Variants in FMNL3 observed in about 807,000 individuals in gnomAD.
FMNL3 encodes formin like 3.
Under a neutral mutation model 119.6 loss-of-function variants are expected in FMNL3, and 57 were observed. The observed-to-expected ratio is 0.48, with a 90% CI of 0.39 to 0.59. FMNL3 has a LOEUF of 0.59. FMNL3 is among the 20% of genes least tolerant of loss of function. FMNL3 has a pLI of 0.00. For missense variants in FMNL3, 1,053 were observed against 1,323.5 expected, an observed-to-expected ratio of 0.80 and a Z score of 3.17; for synonymous variants, 491 against 507.3, an observed-to-expected ratio of 0.97 and a Z score of 0.43.
rs1212781102 is a variant in FMNL3, at chr12:49,653,880, G to A, written c.1072-6C>T. ...CTCTCTGTGTGCCTTGACTTCTGGG[G>A]GAAGAGCAGAGAGTAGGAGTAGTTG... On this transcript the variant is annotated splice_region_variant and splice_polypyrimidine_tract_variant and intron_variant, in intron 11 of 25. Transcript: ENST00000335154. The A allele has an allele frequency of 1.2e-6, 2 of 1,614,000 alleles. No individual in the cohort carries two copies. Among genetic ancestry groups the A allele is most frequent in the Non-Finnish European group, 1.7e-6 (2 of 1,179,976 alleles).
Position 49,644,022 on chromosome 12 carries a change from T to A in FMNL3, c.*1793A>T, listed in dbSNP as rs752476745. ...AGGAGAAGGTGAGGGGCAGGGGCCC[T>A]AGGCCAGTCAGCACGCTGGTCAAGC... On this transcript the variant is annotated 3_prime_UTR_variant, in exon 26 of 26. Transcript: ENST00000335154. 1.5e-5 allele frequency: 25 copies of A among 1,614,026 alleles called. No individual in the cohort carries two copies. Among genetic ancestry groups the A allele is most frequent in the Non-Finnish European group, 1.9e-5 (23 of 1,180,014 alleles).
chr12:49,637,127 C>T lies in FMNL3; in HGVS notation c.*8688G>A, dbSNP rs1164515763. The T allele has an allele frequency of 1.7e-6, 1 of 584,280 alleles. No homozygotes were observed. Among genetic ancestry groups the T allele is most frequent in the African/African-American group, 1.9e-5 (1 of 53,688 alleles). 36.2% of individuals were successfully genotyped at this position (584,280 alleles called of 1,614,324 possible). A position where few individuals can be genotyped will look rare whatever the true frequency, so the allele number is the denominator to read the frequency against. On this transcript the variant is annotated 3_prime_UTR_variant, in exon 26 of 26. Coordinates refer to ENST00000335154, the MANE Select transcript of FMNL3 (RefSeq NM_175736.5). The stretch of plus-strand genomic sequence containing the variant: ...CTTGGCAGCTAGGCCATGTTTATTT[C>T]CCTTGGTGGGGCACCCGACAGGCAG...
Position 49,637,335 on chromosome 12 carries a change from C to G in FMNL3, c.*8480G>C. ...CAGCCTTCCATCTGCATCTCTTCAT[C>G]TCTGCCTCTCTTGCCTGCATTTCCT... is the stretch of plus-strand genomic sequence containing the variant. On this transcript the variant is annotated 3_prime_UTR_variant, in exon 26 of 26. Coordinates refer to ENST00000335154, the MANE Select transcript of FMNL3 (RefSeq NM_175736.5). 1.6e-6 allele frequency: 1 copy of G among 637,586 alleles called. No homozygotes were observed. Among genetic ancestry groups the G allele is most frequent in the Non-Finnish European group, 2.8e-6 (1 of 357,406 alleles). 39.5% of individuals were successfully genotyped at this position (637,586 alleles called of 1,614,324 possible).
rs749979268 is a variant in FMNL3, at chr12:49,648,264, C to T, written c.2605G>A (p.Val869Ile). 175 of 1,613,926 alleles carry T rather than the reference C, an allele frequency of 1.1e-4. No homozygotes were observed. The highest frequency in any genetic ancestry group is 1.4e-4 in the Non-Finnish European group (167 of 1,179,992). ...RRECSIHDNS[V>I]LRNFLSTNEG... is the part of the protein sequence containing the mutation. ...TTGGTACTGAGGAAGTTCCGGAGGA[C>T]GCTGTTGTCATGGATGCTGCACTCA... The change falls in exon 22 of 26, where the codon GTC becomes ATC. Residue 869 changes from valine to isoleucine, a missense_variant. This residue lies in a region of FMNL3 where 324 missense variants were observed against 380.9 expected (regional missense o/e 0.85). Transcript: ENST00000335154.
In FMNL3 at chr12:49,638,225, A is replaced by G; in HGVS notation, c.*7590T>C. The G allele has an allele frequency of 5.4e-6, 1 of 184,010 alleles. No individual in the cohort carries two copies. The highest frequency in any genetic ancestry group is 1.2e-4 in the South Asian group (1 of 8,102). 11.4% of individuals were successfully genotyped at this position (184,010 alleles called of 1,614,324 possible). Reference sequence around the variant, plus strand: ...GAAGCATAGCTAATTGTAAACTGGTAGCACACAGATTGTTCTTTCTGGCCT... The same window carrying G: ...GAAGCATAGCTAATTGTAAACTGGTGGCACACAGATTGTTCTTTCTGGCCT... On this transcript the variant is annotated 3_prime_UTR_variant, in exon 26 of 26. Transcript: ENST00000335154.
rs758103099 is a variant in FMNL3 at position 49,646,936 on chromosome 12, T to C, written c.2945A>G (p.His982Arg). ...AELRRRQAKE[H>R]RPVYEGKDGT... ...ATCCTTCCCCTCATAAACAGGCCGG[T>C]GTTCCTTGGCCTGGCGCCGCCTCAA... The change falls in exon 25 of 26, where the codon CAC becomes CGC. Residue 982 changes from histidine to arginine, a missense_variant. His to Arg is a conservative substitution (Grantham distance 29). This residue lies in a region of FMNL3 where 324 missense variants were observed against 380.9 expected (regional missense o/e 0.85). Coordinates refer to ENST00000335154, the MANE Select transcript of FMNL3 (RefSeq NM_175736.5). 4 of 1,614,022 alleles carry C rather than the reference T, an allele frequency of 2.5e-6. No individual in the cohort carries two copies. The highest frequency in any genetic ancestry group is 3.4e-6 in the Non-Finnish European group (4 of 1,179,962).
intron 1 of FMNL3, among the ~76,000 whole-genome samples, chr12:49,676,466 T>C (rs1682420302): frequency 6.7e-6 from 1 of 150,078 alleles, no homozygotes; most frequent in South Asian, 2.1e-4. Context: ...AGAGAGAAAA[T>C]ACCAGGACAC....
chr12:49,657,233 C>CTGGACAGG (rs1322944870), intron 6 of FMNL3, 43 bp from the exon 7 acceptor site: 2 of 1,488,122 alleles, frequency 1.3e-6, no homozygotes, highest in African/African-American at 2.8e-5. Context: ...CTGAGGCTGC[C>CTGGACAGG]AGTGAAGCAT....
Position 49,644,137 on chromosome 12 carries a change from G to T in FMNL3, c.*1678C>A, listed in dbSNP as rs775487454. 9 of 1,614,068 alleles carry T rather than the reference G, an allele frequency of 5.6e-6. No homozygotes were observed. Among genetic ancestry groups the T allele is most frequent in the Middle Eastern group, 1.6e-4 (1 of 6,084 alleles). On this transcript the variant is annotated 3_prime_UTR_variant, in exon 26 of 26. Transcript: ENST00000335154. ...ACGTCAGAAAGTGAGCTGAGTGAGG[G>T]TGAGCTGGAGAGGCGGCGGCGGACA...
Position 49,649,523 on chromosome 12 carries a change from T to C in FMNL3, c.2251A>G (p.Ile751Val), listed in dbSNP as rs750600950. ...GACTTGACGGAAGCGGACGCCGCAA[T>C]GATGGCATTGAGTTGCTGTAGGACA... is the stretch of plus-strand genomic sequence containing the variant. ...QMLTPQLNAI[I>V]AASASVKSSQ... The change falls in exon 19 of 26, where the codon ATT (isoleucine) becomes GTT (valine). Residue 751 changes from isoleucine (I) to valine (V), a missense_variant. Around this residue, in one of 4 missense-constraint regions of FMNL3, gnomAD observed 324 missense variants for 380.9 expected, o/e 0.85. Transcript: ENST00000335154. The surrounding 1 kb of genome is among the most constrained non-coding windows in gnomAD (Gnocchi z 5.6). The C allele has an allele frequency of 6.2e-7, 1 of 1,614,162 alleles. No individual in the cohort carries two copies. Among genetic ancestry groups the C allele is most frequent in the South Asian group, 1.1e-5 (1 of 91,084 alleles).
rs1285481134 is a variant in FMNL3 at position 49,649,344 on chromosome 12, C to T, written c.2305-5G>A. ...GTTCCCCAGTGCAAGTATGATCTGTCCAAAGAATGTGTGGGAGGCAGGTCA... is the reference window on the plus strand; with the variant it reads ...GTTCCCCAGTGCAAGTATGATCTGTTCAAAGAATGTGTGGGAGGCAGGTCA... On this transcript the variant is annotated splice_region_variant and splice_polypyrimidine_tract_variant and intron_variant, in intron 19 of 25. Transcript: ENST00000335154. This position sits in a 1 kb window ranked among gnomAD's most constrained non-coding sequence, Gnocchi z 5.6. The T allele has an allele frequency of 6.2e-7, 1 of 1,614,130 alleles. No homozygotes were observed. Among genetic ancestry groups the T allele is most frequent in the Non-Finnish European group, 8.5e-7 (1 of 1,180,028 alleles).
rs377587363 is a variant in FMNL3 at position 49,651,998 on chromosome 12, T to C, written c.1538A>G (p.Glu513Gly). 3 of 1,606,192 alleles carry C rather than the reference T, an allele frequency of 1.9e-6. No individual in the cohort carries two copies. The highest frequency in any genetic ancestry group is 2.6e-6 in the Non-Finnish European group (3 of 1,176,348). ...LDLLAPAPPP[E>G]EVLPLPPPPA... ...TGGTGGAGGAAGAGGCAGGACCTCC[T>C]CAGGGGGTGGGGCTGGAGCCAGAAG... Residue 513 changes from glutamate (E) to glycine (G), a missense_variant, in exon 14 of 26, where the codon GAG becomes GGG. Physicochemically the swap from Glu to Gly is moderately conservative, Grantham distance 98. Coordinates refer to ENST00000335154, the MANE Select transcript of FMNL3 (RefSeq NM_175736.5).
In FMNL3 at chr12:49,643,106, G is replaced by A; in HGVS notation, c.*2709C>T. ...TTTTCCCCTTACAATATCTCCCTTG[G>A]AGGGAAGTTTGAGGATTCCTTTGGC... On this transcript the variant is annotated 3_prime_UTR_variant, in exon 26 of 26. Coordinates refer to ENST00000335154, the MANE Select transcript of FMNL3 (RefSeq NM_175736.5). The A allele has an allele frequency of 6.3e-7, 1 of 1,587,788 alleles. No homozygotes were observed. The highest frequency in any genetic ancestry group is 8.6e-7 in the Non-Finnish European group (1 of 1,158,750).
In FMNL3 at chr12:49,642,161, C is replaced by G. The variant is rs529404384; in HGVS notation, c.*3654G>C. 6.2e-7 allele frequency: 1 copy of G among 1,612,084 alleles called. No homozygotes were observed. The highest frequency in any genetic ancestry group is 1.3e-5 in the African/African-American group (1 of 75,054). On this transcript the variant is annotated 3_prime_UTR_variant, in exon 26 of 26. Coordinates refer to ENST00000335154, the MANE Select transcript of FMNL3 (RefSeq NM_175736.5). This position sits in a 1 kb window ranked among gnomAD's most constrained non-coding sequence, Gnocchi z 5.8. ...AAGCCCAGACCCTAACTTTCCACCT[C>G]CTAAGGTATGCCTGAGTGGGACCTG... is the stretch of plus-strand genomic sequence containing the variant.
At position 49,639,379 on chromosome 12, in the gene FMNL3, A is replaced by T. The variant is rs1942287928; in HGVS notation, c.*6436T>A. ...AGTCCAAGAAGCACTAGATGCTAGG[A>T]GCTGGGTTAGAGGGATGGAAGAGGG... On this transcript the variant is annotated 3_prime_UTR_variant, in exon 26 of 26. Transcript: ENST00000335154. 2 of 152,262 alleles carry T rather than the reference A, an allele frequency of 1.3e-5. No individual in the cohort carries two copies. Among genetic ancestry groups the T allele is most frequent in the South Asian group, 2.1e-4 (1 of 4,830 alleles). 9.4% of individuals were successfully genotyped at this position (152,262 alleles called of 1,614,324 possible).
chr12:49,642,214 C>T lies in FMNL3; in HGVS notation c.*3601G>A, dbSNP rs1296063976. 1.2e-6 allele frequency: 2 copies of T among 1,614,102 alleles called. No individual in the cohort carries two copies. The highest frequency in any genetic ancestry group is 4.5e-5 in the East Asian group (2 of 44,884). On this transcript the variant is annotated 3_prime_UTR_variant, in exon 26 of 26. Coordinates refer to ENST00000335154, the MANE Select transcript of FMNL3 (RefSeq NM_175736.5). This position sits in a 1 kb window ranked among gnomAD's most constrained non-coding sequence, Gnocchi z 5.8. ...ATCCACCCTCCTGGGTGACCCTGTT[C>T]CGTGTCCCTTCTTTCCTCAGCTGCT...
At chr12:49,702,306 C>CT (rs1944930957) in intron 1 of FMNL3, among the ~76,000 whole-genome samples, 1 of 152,128 alleles carries the variant, frequency 6.6e-6, no homozygotes, top group Admixed American at 6.5e-5. Flanking sequence ...GAGCGAGACT[C>CT]TGTCTTAAAT....
In FMNL3 at chr12:49,660,041, G is replaced by A. The variant is rs368639895; in HGVS notation, c.453-1447C>T. The A allele has an allele frequency of 4.3e-5, 35 of 816,866 alleles. No homozygotes were observed. In the African/African-American group the frequency reaches 6.1e-4, roughly 14 times the overall value. 50.6% of individuals were successfully genotyped at this position (816,866 alleles called of 1,614,324 possible). ...GCTTTAGTGTCCTCATGATCAGGAG[G>A]TGTTTAATGGGGCTCTCAAGTAGAC... On this transcript the variant is annotated intron_variant, in intron 5 of 25. Coordinates refer to ENST00000335154, the MANE Select transcript of FMNL3 (RefSeq NM_175736.5).
At chr12:49,676,809 A>T (rs906087710) in intron 1 of FMNL3, among the ~76,000 whole-genome samples, 1 of 152,134 alleles carries the variant, frequency 6.6e-6, no homozygotes, top group Non-Finnish European at 1.5e-5. Flanking sequence ...ATCACTTTAT[A>T]TATTGCTTTC....
Sources: allele counts gnomAD v4.1 joint callset (sites outside exome capture counted in the v4.1 genomes callset), GRCh38; gene constraint gnomAD v4.1.1; regional missense constraint gnomAD v4.1.1; non-coding constraint Gnocchi (gnomAD v3.1); transcripts MANE v1.5; gene names NCBI Gene and HGNC (gene_info 2026-07-23, HGNC 2026-07-21).